ZRANB3: variants seen among roughly 807,000 people sequenced by gnomAD.
ZRANB3 encodes the protein DNA annealing helicase and endonuclease ZRANB3.
Under a neutral mutation model 133.8 loss-of-function variants are expected in ZRANB3, and 125 were observed. The observed-to-expected ratio is 0.93, with a 90% CI of 0.81 to 1.08. The LOEUF (loss-of-function observed/expected upper bound fraction) is 1.08. Ranked by LOEUF, ZRANB3 falls within the 50% of genes least tolerant of loss-of-function variation. The pLI is 0.00. For missense variants in ZRANB3, 1,229 were observed against 1,275.5 expected, an observed-to-expected ratio of 0.96 and a Z score of 0.56; for synonymous variants, 387 against 432.7, an observed-to-expected ratio of 0.89 and a Z score of 1.31.
At chr2:135,370,752 T>C (rs528245802) in intron 3 of ZRANB3, among the ~76,000 whole-genome samples, 118 of 152,324 alleles carry the variant, frequency 7.7e-4, no homozygotes, top group Middle Eastern at 6.8e-3. Flanking sequence ...AAGAGGCCCA[T>C]TGATGTGATT....
At chr2:135,361,713 A>G (rs536649768) in intron 3 of ZRANB3, among the ~76,000 whole-genome samples, 21 of 152,324 alleles carry the variant, frequency 1.4e-4, no homozygotes, top group African/African-American at 4.8e-4. Context: ...GTATGCTTTT[A>G]AAATCTTAGT....
chr2:135,525,783 G>C (rs1290669664), intron 1 of ZRANB3, among the ~76,000 whole-genome samples: 2 of 148,652 alleles, frequency 1.3e-5, no homozygotes, highest in African/African-American at 5.0e-5. Flanking sequence ...GGGAGGAGGA[G>C]GTTGCAGTGG....
chr2:135,469,007 A>G (rs991613417), intron 2 of ZRANB3, among the ~76,000 whole-genome samples: 1 of 152,200 alleles, frequency 6.6e-6, no homozygotes, highest in East Asian at 1.9e-4. Flanking sequence ...TATAAAAAAT[A>G]AAGATGTCAC....
intron 12 of ZRANB3, among the ~76,000 whole-genome samples, chr2:135,260,972 T>C (rs1164302401): frequency 2.0e-5 from 3 of 147,334 alleles, no homozygotes; most frequent in Non-Finnish European, 3.0e-5. Context: ...ATATATATAT[T>C]ATATACTATA....
At chr2:135,297,796 T>C (rs929106197) in intron 8 of ZRANB3, among the ~76,000 whole-genome samples, 1 of 152,260 alleles carries the variant, frequency 6.6e-6, no homozygotes, top group African/African-American at 2.4e-5. Context: ...TTATTCTACT[T>C]GTTCAATTAT....
chr2:135,370,860 T>A (rs1202429601), intron 3 of ZRANB3, among the ~76,000 whole-genome samples: 1 of 152,172 alleles, frequency 6.6e-6, no homozygotes, highest in African/African-American at 2.4e-5. Context: ...TGGTGGGGGT[T>A]TCCCTCATGC....
intron 12 of ZRANB3, among the ~76,000 whole-genome samples, chr2:135,234,410 C>A (rs1236537800): frequency 6.6e-6 from 1 of 152,110 alleles, no homozygotes; most frequent in Non-Finnish European, 1.5e-5. Context: ...ACAAGGATAT[C>A]CAGGAACTGA....
At position 135,275,769 on chromosome 2, in the gene ZRANB3, G is replaced by A. The variant is rs1419481369; in HGVS notation, c.967-14C>T. ...TACAGCACCTGCCTAAATATTAAAAGGTAAACCTTATTAGTGTCATAAAAA... is the reference window on the plus strand; with the variant it reads ...TACAGCACCTGCCTAAATATTAAAAAGTAAACCTTATTAGTGTCATAAAAA... On this transcript the variant is annotated splice_polypyrimidine_tract_variant and intron_variant, in intron 8 of 20. Transcript: ENST00000264159. 2.6e-6 allele frequency: 4 copies of A among 1,519,912 alleles called. No homozygotes were observed. The highest frequency in any genetic ancestry group is 3.5e-6 in the Non-Finnish European group (4 of 1,129,508). The allele number at this position is 1,519,912 out of a possible 1,614,324, so 94.2% of individuals were successfully genotyped here.
chr2:135,355,255 C>T (rs1685377225), intron 3 of ZRANB3: 4 of 985,254 alleles, frequency 4.1e-6, no homozygotes, highest in East Asian at 1.1e-4. Context: ...AGTATGTTTC[C>T]GTGTCTTCAA....
At chr2:135,355,606 C>T (rs1558939516) in intron 3 of ZRANB3, among the ~76,000 whole-genome samples, 1 of 152,090 alleles carries the variant, frequency 6.6e-6, no homozygotes, top group East Asian at 1.9e-4. Flanking sequence ...ATCCACCCAC[C>T]TCGGCCTCCC....
chr2:135,359,874 A>C (rs749822084), intron 3 of ZRANB3, among the ~76,000 whole-genome samples: 1 of 152,206 alleles, frequency 6.6e-6, no homozygotes, highest in Non-Finnish European at 1.5e-5. Flanking sequence ...ACATTTGGGT[A>C]CTATTTTTCT....
At chr2:135,203,520 G>A (rs1693714327) in intron 19 of ZRANB3, among the ~76,000 whole-genome samples, 1 of 150,672 alleles carries the variant, frequency 6.6e-6, no homozygotes, top group South Asian at 2.1e-4. Flanking sequence ...TGCGGAGGCT[G>A]AGGCAGGAGA....
intron 2 of ZRANB3, among the ~76,000 whole-genome samples, chr2:135,416,810 C>G (rs917146285): frequency 7.9e-5 from 12 of 152,164 alleles, no homozygotes; most frequent in African/African-American, 2.4e-4. Flanking sequence ...CGCCACATAT[C>G]TACAACTATC....
At chr2:135,267,974 G>A (rs983623647) in intron 11 of ZRANB3, among the ~76,000 whole-genome samples, 2 of 152,176 alleles carry the variant, frequency 1.3e-5, no homozygotes, top group East Asian at 3.9e-4. Context: ...TCCACAATGA[G>A]AAAGCAGTAG....
rs929452965 is a variant in ZRANB3 at position 135,360,435 on chromosome 2, G to A, written c.181-6807C>T. ...AACAAAATAAACTTTGGCTGGGCAC[G>A]GTGGCTCATGCCTGTATCCCAGCAC... On this transcript the variant is annotated intron_variant, in intron 3 of 20. Coordinates refer to ENST00000264159, the MANE Select transcript of ZRANB3 (RefSeq NM_032143.4). 9.2e-5 allele frequency among the ~76,000 whole-genome samples: 14 copies of A among 152,154 alleles called. No individual in the cohort carries two copies. The East Asian group carries it at 1.6e-3, about 17-fold the overall frequency.
chr2:135,294,136 T>G (rs933129951), intron 8 of ZRANB3, among the ~76,000 whole-genome samples: 1 of 152,226 alleles, frequency 6.6e-6, no homozygotes, highest in Non-Finnish European at 1.5e-5. Flanking sequence ...GATTCCCTCT[T>G]TTTCTATTGA....
At chr2:135,324,311 T>C (rs553902454) in intron 6 of ZRANB3, among the ~76,000 whole-genome samples, 1 of 148,444 alleles carries the variant, frequency 6.7e-6, no homozygotes, top group Non-Finnish European at 1.5e-5. Context: ...AATTCCCACC[T>C]ATGAGTGAGA....
chr2:135,386,270 T>C (rs1317511218), intron 3 of ZRANB3, among the ~76,000 whole-genome samples: 1 of 152,194 alleles, frequency 6.6e-6, no homozygotes, highest in Non-Finnish European at 1.5e-5. Context: ...ATCAGAGATA[T>C]GCAAATCAAA....
At chr2:135,224,149 T>C (rs111987561) in intron 15 of ZRANB3, among the ~76,000 whole-genome samples, 2,140 of 152,230 alleles carry the variant, frequency 0.014, 53 homozygotes, top group African/African-American at 0.05. Context: ...CATTTTACAG[T>C]TGAGGAAATT....
Sources: gnomAD v4.1 joint callset for allele counts (sites outside exome capture counted in the v4.1 genomes callset) on GRCh38, gnomAD v4.1.1 for gene constraint, MANE v1.5 for transcripts, NCBI Gene and HGNC (gene_info 2026-07-23, HGNC 2026-07-21) for gene names.